ITIH1: variants seen among roughly 807,000 people sequenced by gnomAD.
The protein encoded by ITIH1 is inter-alpha-trypsin inhibitor heavy chain 1.
In ITIH1, 94 loss-of-function variants were observed where a neutral mutation model predicts 104.6. The ratio of observed to expected loss-of-function variants is 0.90; its 90% CI spans 0.76 to 1.07. The LOEUF (loss-of-function observed/expected upper bound fraction) is 1.07, where lower values mean the gene tolerates loss of function less well. Among genes scored for constraint, ITIH1 ranks in the 50% least tolerant of loss-of-function variants. ITIH1 has a pLI of 0.00. For synonymous variants in ITIH1, 455 were observed against 464.4 expected (o/e 0.98, Z 0.26); for missense variants, 1,193 against 1,181.4 (o/e 1.01, Z -0.14).
chr3:52,778,908 C>T (rs1559460007), intron 3 of ITIH1, 34 bp from the exon 4 acceptor site: 2 of 1,485,270 alleles, frequency 1.3e-6, no homozygotes, highest in Non-Finnish European at 1.9e-6. Flanking sequence ...TCAGGAGGCT[C>T]ATCTTTCCTG....
At chr3:52,789,999 C>T in intron 19 of ITIH1, 145 bp downstream of exon 19, 1 of 746,572 alleles carries the variant, frequency 1.3e-6, no homozygotes, top group Non-Finnish European at 2.2e-6. Context: ...CTCCATGGCC[C>T]ACCCAGCCCT....
At chr3:52,790,727 T>C (rs1699331064) in intron 19 of ITIH1, 22 bp from the exon 20 acceptor site, 1 of 1,606,928 alleles carries the variant, frequency 6.2e-7, no homozygotes. Context: ...GCACCTGCCC[T>C]CTCGGCCACC....
chr3:52,790,784 T>C lies in ITIH1; in HGVS notation c.2357T>C (p.Val786Ala). Reference protein sequence around the residue: ...VVTINKKRNLVVSVDDGGTFE... With the variant: ...VVTINKKRNLAVSVDDGGTFE... ...ACCATCAACAAGAAGAGGAACCTGG[T>C]GGTGTCTGTGGACGACGGTGGCACC... Residue 786 changes from valine (V) to alanine (A), a missense_variant, in exon 20 of 22, where the codon GTG (valine) becomes GCG (alanine). Physicochemically the swap from Val to Ala is moderately conservative, Grantham distance 64. Coordinates refer to ENST00000273283, the MANE Select transcript of ITIH1 (RefSeq NM_002215.4). 1.9e-6 allele frequency: 3 copies of C among 1,612,968 alleles called. No individual in the cohort carries two copies. Among genetic ancestry groups the C allele is most frequent in the Non-Finnish European group, 2.5e-6 (3 of 1,179,580 alleles).
At position 52,790,795 on chromosome 3, in the gene ITIH1, G is replaced by T; in HGVS notation, c.2368G>T (p.Asp790Tyr). ...NKKRNLVVSV[D>Y]DGGTFEVVLH... ...GAAGAGGAACCTGGTGGTGTCTGTG[G>T]ACGACGGTGGCACCTTTGAGGTTGT... The change falls in exon 20 of 22, where the codon GAC becomes TAC. Residue 790 changes from aspartate to tyrosine, a missense_variant. By Grantham distance (160) the Asp-to-Tyr change is radical. Coordinates refer to ENST00000273283, the MANE Select transcript of ITIH1 (RefSeq NM_002215.4). 4 of 1,613,144 alleles carry T rather than the reference G, an allele frequency of 2.5e-6. No individual in the cohort carries two copies. The highest frequency in any genetic ancestry group is 2.5e-6 in the Non-Finnish European group (3 of 1,179,646).
At chr3:52,781,707 T>C (rs1016167335) in intron 6 of ITIH1, among the ~76,000 whole-genome samples, 3 of 152,200 alleles carry the variant, frequency 2.0e-5, no homozygotes, top group Non-Finnish European at 4.4e-5. Flanking sequence ...ATGATGTTCA[T>C]TGTAGAAAAT....
intron 6 of ITIH1, among the ~76,000 whole-genome samples, chr3:52,780,976 G>A (rs1699019344): frequency 6.6e-6 from 1 of 152,170 alleles, no homozygotes; most frequent in Non-Finnish European, 1.5e-5. Context: ...TCCCACTTAT[G>A]TAGAGCCTGC....
At chr3:52,787,432 G>C (rs1699231550) in intron 15 of ITIH1, among the ~76,000 whole-genome samples, 160 bp from the exon 16 acceptor site, 1 of 152,180 alleles carries the variant, frequency 6.6e-6, no homozygotes, top group Non-Finnish European at 1.5e-5. Context: ...GTCCCCTCTT[G>C]GTGTGAGTGT....
At position 52,782,023 on chromosome 3, in the gene ITIH1, G is replaced by A; in HGVS notation, c.771G>A (p.Lys257=). 1 of 1,614,114 alleles carries A rather than the reference G, an allele frequency of 6.2e-7. No individual in the cohort carries two copies. Among genetic ancestry groups the A allele is most frequent in the South Asian group, 1.1e-5 (1 of 91,062 alleles). ...CSTSLLNGHF[K]VTYDVSRDKI... ...CATCCTTACTGAACGGGCACTTCAA[G>A]GTGACCTACGATGTCAGTCGAGACA... Residue 257 remains lysine (K), a synonymous_variant, in exon 7 of 22, where the codon AAG becomes AAA. Coordinates refer to ENST00000273283, the MANE Select transcript of ITIH1 (RefSeq NM_002215.4).
Position 52,785,034 on chromosome 3 carries a change from A to G in ITIH1, c.1408-10A>G. The G allele has an allele frequency of 1.2e-6, 2 of 1,613,688 alleles. No individual in the cohort carries two copies. Among genetic ancestry groups the G allele is most frequent in the South Asian group, 1.1e-5 (1 of 91,058 alleles). On this transcript the variant is annotated splice_polypyrimidine_tract_variant and intron_variant, in intron 11 of 21. Transcript: ENST00000273283. ...GCTCAGCTCTAAGGCTGCAACCTCTATCCCTGCAGGGTTTCTACAGCCAGG... is the reference window on the plus strand; with the variant it reads ...GCTCAGCTCTAAGGCTGCAACCTCTGTCCCTGCAGGGTTTCTACAGCCAGG...
chr3:52,779,742 C>A lies in ITIH1; in HGVS notation c.573+148C>A. The A allele has an allele frequency of 9.1e-7, 1 of 1,095,342 alleles. No individual in the cohort carries two copies. Among genetic ancestry groups the A allele is most frequent in the East Asian group, 2.5e-5 (1 of 40,016 alleles). The allele number at this position is 1,095,342 out of a possible 1,614,324, so 67.9% of individuals were successfully genotyped here. A position where few individuals can be genotyped will look rare whatever the true frequency, so the allele number is the denominator to read the frequency against. ...CCCTCAGGGTGAGCTCTGATGTGCT[C>A]TTCTTGGGCAGGGAACTCCCTGAAT... On this transcript the variant is annotated intron_variant, in intron 5 of 21. Coordinates refer to ENST00000273283, the MANE Select transcript of ITIH1 (RefSeq NM_002215.4). The surrounding 1 kb of genome is among the most constrained non-coding windows in gnomAD (Gnocchi z 4.4).
rs138975130 is a variant in ITIH1 at position 52,784,357 on chromosome 3, G to A, written c.1287G>A (p.Pro429=). The change falls in exon 11 of 22, where the codon CCG becomes CCA. Residue 429 remains proline (P), a synonymous_variant. Transcript: ENST00000273283. ...GCAACGCCATCCGGGGCAGGTTCCC[G>A]CTCTACAACCTGGGTTTCGGCCACA... ...NVRNAIRGRF[P]LYNLGFGHNV... 1,983 of 1,614,108 alleles carry A rather than the reference G, an allele frequency of 1.2e-3. 15 individuals carry two copies. In the African/African-American group the frequency reaches 0.022, roughly 18 times the overall value.
Position 52,779,139 on chromosome 3 carries a change from C to T in ITIH1, c.410+93C>T. 1.5e-5 allele frequency: 14 copies of T among 927,494 alleles called. No homozygotes were observed. Among genetic ancestry groups the T allele is most frequent in the Non-Finnish European group, 2.5e-5 (14 of 563,550 alleles). 57.5% of individuals were successfully genotyped at this position (927,494 alleles called of 1,614,324 possible). A position where few individuals can be genotyped will look rare whatever the true frequency, so the allele number is the denominator to read the frequency against. On this transcript the variant is annotated intron_variant, in intron 4 of 21. Coordinates refer to ENST00000273283, the MANE Select transcript of ITIH1 (RefSeq NM_002215.4). This position sits in a 1 kb window ranked among gnomAD's most constrained non-coding sequence, Gnocchi z 4.4. ...GCAAGGTGGCTTTAGTGGAGAACAGCCCAGGATGATGGAAGGGTAAGCAAA... is the reference window on the plus strand; with the variant it reads ...GCAAGGTGGCTTTAGTGGAGAACAGTCCAGGATGATGGAAGGGTAAGCAAA...
At chr3:52,781,809 C>T in intron 6 of ITIH1, 131 bp from the exon 7 acceptor site, 2 of 1,137,502 alleles carry the variant, frequency 1.8e-6, no homozygotes, top group Non-Finnish European at 1.3e-6. Flanking sequence ...GAGTGAGTGG[C>T]CCACCGAACT....
Position 52,783,214 on chromosome 3 carries a change from C to T in ITIH1, c.1100C>T (p.Ala367Val). The change falls in exon 10 of 22, where the codon GCC becomes GTC. Residue 367 changes from alanine (A) to valine (V), a missense_variant and splice_region_variant. Coordinates refer to ENST00000273283, the MANE Select transcript of ITIH1 (RefSeq NM_002215.4). ...CTGGTCTGCTTTCTCTTCCTTGCAG[C>T]CACAAACCTGAATGGAGGTTTGCTC... is the stretch of plus-strand genomic sequence containing the variant. Reference protein sequence around the residue: ...DFVRGFSLDEATNLNGGLLRG... With the variant: ...DFVRGFSLDEVTNLNGGLLRG... 1 of 1,614,102 alleles carries T rather than the reference C, an allele frequency of 6.2e-7. No homozygotes were observed. The highest frequency in any genetic ancestry group is 8.5e-7 in the Non-Finnish European group (1 of 1,180,024).
At chr3:52,790,049 C>T (rs1699311880) in intron 19 of ITIH1, 195 bp downstream of exon 19, 1 of 610,696 alleles carries the variant, frequency 1.6e-6, no homozygotes. Flanking sequence ...CTGGGCCCAG[C>T]TGCATGGCAA....
rs181810986 is a variant in ITIH1, at chr3:52,785,434, T to C, written c.1593+205T>C. Among the ~76,000 whole-genome samples, 27 of 152,336 alleles carry C rather than the reference T, an allele frequency of 1.8e-4. No individual in the cohort carries two copies. The East Asian group carries it at 4.6e-3, about 26-fold the overall frequency. ...GCTGGATTGGCTGGAATGGGGCCAATATGGCCTTTATCAGTTGCAGTCCCT... is the reference window on the plus strand; with the variant it reads ...GCTGGATTGGCTGGAATGGGGCCAACATGGCCTTTATCAGTTGCAGTCCCT... On this transcript the variant is annotated intron_variant, in intron 12 of 21. Coordinates refer to ENST00000273283, the MANE Select transcript of ITIH1 (RefSeq NM_002215.4).
At chr3:52,789,614 G>A (rs1405810407) in intron 18 of ITIH1, 39 bp from the exon 19 acceptor site, 23 of 1,583,534 alleles carry the variant, frequency 1.5e-5, no homozygotes, top group Non-Finnish European at 1.9e-5. Context: ...AGGCAGGCAG[G>A]CCCCTTCCCA....
In ITIH1 at chr3:52,787,197, C is replaced by A; in HGVS notation, c.1898C>A (p.Pro633His). Residue 633 changes from proline (P) to histidine (H), a missense_variant, in exon 15 of 22, where the codon CCT (proline) becomes CAT (histidine). Transcript: ENST00000273283. ...TIDKPSEDSP[P>H]LEMLGPRRTF... ...TTTCTCTCCCTTCCAGATTCTCCGCCTTTGGGTGAGTTTTAAATTGCATTA... is the reference window on the plus strand; with the variant it reads ...TTTCTCTCCCTTCCAGATTCTCCGCATTTGGGTGAGTTTTAAATTGCATTA... 1 of 1,614,046 alleles carries A rather than the reference C, an allele frequency of 6.2e-7. No individual in the cohort carries two copies. The highest frequency in any genetic ancestry group is 8.5e-7 in the Non-Finnish European group (1 of 1,180,026).
chr3:52,790,233 CAT>C, intron 19 of ITIH1: 1 of 319,152 alleles, frequency 3.1e-6, no homozygotes, highest in South Asian at 3.9e-5. Context: ...TCTTAGTCTG[CAT>C]TGTCTCATGA....
Sources: gnomAD v4.1 joint callset for allele counts (sites outside exome capture counted in the v4.1 genomes callset) on GRCh38, gnomAD v4.1.1 for gene constraint, Gnocchi (gnomAD v3.1) non-coding constraint, MANE v1.5 for transcripts, NCBI Gene and HGNC (gene_info 2026-07-23, HGNC 2026-07-21) for gene names.